The following SGCZ variants were observed in gnomAD, a reference collection of about 807,000 sequenced individuals.
SGCZ encodes the protein zeta-sarcoglycan.
Under a neutral mutation model 41.3 loss-of-function variants are expected in SGCZ, and 40 were observed. The observed-to-expected ratio is 0.97, with a 90% CI of 0.75 to 1.26. SGCZ has a LOEUF of 1.26. SGCZ is among the 50% of genes most tolerant of loss of function. The probability of loss-of-function intolerance (pLI) is 0.00; values close to 1 mark genes in which losing one functional copy is unlikely to be tolerated. For missense variants in SGCZ, 552 were observed against 369.8 expected (o/e 1.49, Z -4.04); for synonymous variants, 206 against 137.5 (o/e 1.50, Z -3.49).
At chr8:15,158,169 A>C (rs2117034158) in intron 1 of SGCZ, among the ~76,000 whole-genome samples, 1 of 151,892 alleles carries the variant, frequency 6.6e-6, no homozygotes, top group Non-Finnish European at 1.5e-5. Flanking sequence ...TTTGCCACAA[A>C]AAAAAAAATG....
At position 14,946,921 on chromosome 8, in the gene SGCZ, G is replaced by T. The variant is rs533881770; in HGVS notation, c.39+290664C>A. On this transcript the variant is annotated intron_variant, in intron 1 of 7. Coordinates refer to ENST00000382080, the MANE Select transcript of SGCZ (RefSeq NM_139167.4). ...GAACTCCTGACCTCATGATCCGCCC[G>T]CCTCGGCCTCCCAACGTGCTGGGAT... Among the ~76,000 whole-genome samples the T allele has an allele frequency of 7.9e-5, 12 of 152,018 alleles. No homozygotes were observed. In the East Asian group the frequency reaches 1.9e-3, roughly 25 times the overall value.
At chr8:14,968,324 C>T (rs4562327) in intron 1 of SGCZ, among the ~76,000 whole-genome samples, 93,886 of 151,892 alleles carry the variant, frequency 0.62, 30,945 homozygotes, top group African/African-American at 0.86. Context: ...CTGGGAACAT[C>T]TGAAACCTCA....
chr8:15,147,209 A>T (rs1563150605), intron 1 of SGCZ, among the ~76,000 whole-genome samples: 2 of 152,154 alleles, frequency 1.3e-5, no homozygotes, highest in South Asian at 4.1e-4. Context: ...TCTACTCCCA[A>T]CACATTCTAT....
At chr8:15,114,484 T>A (rs1807192465) in intron 1 of SGCZ, among the ~76,000 whole-genome samples, 1 of 152,350 alleles carries the variant, frequency 6.6e-6, no homozygotes, top group African/African-American at 2.4e-5. Context: ...TATAAAATGG[T>A]TCAAAAAGAA....
At chr8:15,100,688 A>G (rs1418128136) in intron 1 of SGCZ, among the ~76,000 whole-genome samples, 1 of 152,208 alleles carries the variant, frequency 6.6e-6, no homozygotes, top group African/African-American at 2.4e-5. Flanking sequence ...ACTTAACTTC[A>G]AGACTTACTG....
chr8:14,348,433 T>G (rs750914073), intron 2 of SGCZ, among the ~76,000 whole-genome samples: 5 of 152,122 alleles, frequency 3.3e-5, no homozygotes, highest in African/African-American at 4.8e-5. Flanking sequence ...TCAATAAATG[T>G]CCACAAACTC....
intron 1 of SGCZ, among the ~76,000 whole-genome samples, chr8:14,647,226 A>C (rs1479343720): frequency 6.6e-6 from 1 of 152,046 alleles, no homozygotes; most frequent in East Asian, 1.9e-4. Flanking sequence ...AAACAGAAAA[A>C]TGAGACCACA....
chr8:15,013,044 A>C (rs946696419), intron 1 of SGCZ, among the ~76,000 whole-genome samples: 2 of 152,204 alleles, frequency 1.3e-5, no homozygotes, highest in East Asian at 3.9e-4. Flanking sequence ...AAACAGGTGG[A>C]TTTTTAAGAA....
At chr8:15,149,383 C>G (rs1253105886) in intron 1 of SGCZ, among the ~76,000 whole-genome samples, 1 of 152,088 alleles carries the variant, frequency 6.6e-6, no homozygotes, top group Non-Finnish European at 1.5e-5. Context: ...TTACTGATGT[C>G]CCCACCAGAT....
Position 14,319,897 on chromosome 8 carries a change from A to C in SGCZ, c.336+4206T>G, listed in dbSNP as rs537749691. On this transcript the variant is annotated intron_variant, in intron 3 of 7. Coordinates refer to ENST00000382080, the MANE Select transcript of SGCZ (RefSeq NM_139167.4). ...CATTCAGCTTCTTAATGGTATTTAT[A>C]ATCTTTTATTCTTAACCATAAAGAC... is the stretch of plus-strand genomic sequence containing the variant. Among the ~76,000 whole-genome samples, 48 of 152,150 alleles carry C rather than the reference A, an allele frequency of 3.2e-4. 1 individual carries two copies. Among genetic ancestry groups the C allele is most frequent in the African/African-American group, 9.6e-4 (40 of 41,568 alleles).
At chr8:15,174,336 G>A (rs182670414) in intron 1 of SGCZ, among the ~76,000 whole-genome samples, 18 of 152,190 alleles carry the variant, frequency 1.2e-4, no homozygotes, top group Middle Eastern at 3.4e-3. Context: ...CAGTGTTTGG[G>A]TTGTTTCCAT....
intron 1 of SGCZ, among the ~76,000 whole-genome samples, chr8:14,877,615 AAAT>A (rs1378892477): frequency 6.6e-6 from 1 of 152,130 alleles, no homozygotes; most frequent in Non-Finnish European, 1.5e-5. Flanking sequence ...AAGGCATAAA[AAAT>A]AATATTTTTC....
chr8:14,588,164 TAA>T (rs1321726504), intron 1 of SGCZ, among the ~76,000 whole-genome samples: 1 of 148,580 alleles, frequency 6.7e-6, no homozygotes, highest in Non-Finnish European at 1.5e-5. Context: ...TAGAATATGA[TAA>T]AATTTTTCAG....
chr8:14,626,508 T>C (rs1488176583), intron 1 of SGCZ, among the ~76,000 whole-genome samples: 1 of 152,188 alleles, frequency 6.6e-6, no homozygotes, highest in Non-Finnish European at 1.5e-5. Flanking sequence ...GTTCTTCAGA[T>C]TGTGAACTTA....
chr8:14,620,412 T>C (rs1806245881), intron 1 of SGCZ, among the ~76,000 whole-genome samples: 1 of 152,126 alleles, frequency 6.6e-6, no homozygotes, highest in Admixed American at 6.6e-5. Flanking sequence ...CCAAAAGCAA[T>C]GGCAACAAAA....
At chr8:14,871,384 C>T (rs992630683) in intron 1 of SGCZ, among the ~76,000 whole-genome samples, 1 of 152,032 alleles carries the variant, frequency 6.6e-6, no homozygotes, top group Non-Finnish European at 1.5e-5. Flanking sequence ...CCCATTACTG[C>T]GTATATACCC....
intron 4 of SGCZ, among the ~76,000 whole-genome samples, chr8:14,222,174 T>C (rs1806218726): frequency 6.6e-6 from 1 of 152,084 alleles, no homozygotes; most frequent in African/African-American, 2.4e-5. Context: ...GTTTTTTTGT[T>C]TTGTTTTGTT....
chr8:14,359,988 T>A (rs2117127790), intron 2 of SGCZ, among the ~76,000 whole-genome samples: 1 of 152,236 alleles, frequency 6.6e-6, no homozygotes, highest in African/African-American at 2.4e-5. Context: ...ATATATCATA[T>A]CAACAGAATG....
At chr8:14,606,820 C>G (rs529149162) in intron 1 of SGCZ, among the ~76,000 whole-genome samples, 1 of 152,166 alleles carries the variant, frequency 6.6e-6, no homozygotes, top group Non-Finnish European at 1.5e-5. Flanking sequence ...GCTGTTATTG[C>G]TATCTTTAGT....
Sources: allele counts gnomAD v4.1 joint callset (sites outside exome capture counted in the v4.1 genomes callset), GRCh38; gene constraint gnomAD v4.1.1; transcripts MANE v1.5; gene names NCBI Gene and HGNC (gene_info 2026-07-23, HGNC 2026-07-21).